The following ZNF385D variants were observed in gnomAD, a reference collection of about 807,000 sequenced individuals.
The protein encoded by ZNF385D is zinc finger protein 659.
A neutral mutation model predicts 35.8 loss-of-function variants in ZNF385D; 15 were observed. The ratio of observed to expected loss-of-function variants is 0.42; its 90% confidence interval spans 0.28 to 0.64. The LOEUF is 0.64. Among genes scored for constraint, ZNF385D ranks in the 30% least tolerant of loss-of-function variants. ZNF385D has a pLI of 0.23. For synonymous variants in ZNF385D, 212 were observed against 186.8 expected (o/e 1.13, Z -1.10); for missense variants, 474 against 494.6 (o/e 0.96, Z 0.39).
Position 21,968,641 on chromosome 3 carries a change from G to C in ZNF385D, c.325+200176C>G, listed in dbSNP as rs141961988. On this transcript the variant is annotated intron_variant, in intron 3 of 5. Coordinates refer to the ZNF385D transcript ENST00000494108. ...CCAGAAAGGAACCCACTGTCTTGAA[G>C]CAAAGGGCCAAGTCTTAGCAGCATT... is the stretch of plus-strand genomic sequence containing the variant. Among the ~76,000 whole-genome samples the C allele has an allele frequency of 8.7e-3, 1,332 of 152,268 alleles. 20 individuals carry two copies. The highest frequency in any genetic ancestry group is 0.03 in the African/African-American group (1,255 of 41,546).
intron 2 of ZNF385D, among the ~76,000 whole-genome samples, chr3:22,198,401 T>C (rs1696562059): frequency 6.6e-6 from 1 of 152,100 alleles, no homozygotes; most frequent in African/African-American, 2.4e-5. Context: ...ATTAATGATC[T>C]GGTACTAAGC....
chr3:21,783,181 T>G (rs1403494222), intron 3 of ZNF385D, among the ~76,000 whole-genome samples: 1 of 152,142 alleles, frequency 6.6e-6, no homozygotes, highest in Non-Finnish European at 1.5e-5. Context: ...ATTTTCAGAT[T>G]GTAAATACAT....
At chr3:21,864,382 T>C (rs1246608668) in intron 3 of ZNF385D, among the ~76,000 whole-genome samples, 1 of 152,122 alleles carries the variant, frequency 6.6e-6, no homozygotes, top group Non-Finnish European at 1.5e-5. Context: ...ACCAACTACA[T>C]ACTCTATGAA....
chr3:22,123,028 G>A (rs995257382), intron 3 of ZNF385D, among the ~76,000 whole-genome samples: 1 of 152,140 alleles, frequency 6.6e-6, no homozygotes, highest in Non-Finnish European at 1.5e-5. Context: ...TTGTCATGGA[G>A]GACAACCATG....
intron 2 of ZNF385D, among the ~76,000 whole-genome samples, chr3:21,600,025 C>T (rs1006590528): frequency 2.0e-4 from 30 of 152,150 alleles, no homozygotes; most frequent in Non-Finnish European, 4.3e-4. Context: ...AAGATGGCCA[C>T]GAGAATGACC....
chr3:21,543,886 A>C (rs1448419369), intron 3 of ZNF385D, among the ~76,000 whole-genome samples: 2 of 152,138 alleles, frequency 1.3e-5, no homozygotes, highest in Non-Finnish European at 2.9e-5. Context: ...AACTGGTGGC[A>C]AGGCTTTGTT....
chr3:21,872,244 T>C (rs943739716), intron 3 of ZNF385D, among the ~76,000 whole-genome samples: 1 of 152,156 alleles, frequency 6.6e-6, no homozygotes, highest in Non-Finnish European at 1.5e-5. Flanking sequence ...ACAACTGCCT[T>C]TAGCAGTACA....
intron 3 of ZNF385D, among the ~76,000 whole-genome samples, chr3:22,121,175 C>A (rs137941052): frequency 6.6e-4 from 101 of 152,280 alleles, no homozygotes; most frequent in African/African-American, 2.3e-3. Flanking sequence ...ATAATTTCAA[C>A]CTTCCTCTTT....
intron 3 of ZNF385D, among the ~76,000 whole-genome samples, chr3:21,762,599 A>G (rs2070667221): frequency 6.6e-6 from 1 of 152,146 alleles, no homozygotes; most frequent in Non-Finnish European, 1.5e-5. Flanking sequence ...CATCTATTTT[A>G]TTGCCACTTA....
intron 2 of ZNF385D, among the ~76,000 whole-genome samples, chr3:21,587,660 A>G (rs1387898399): frequency 6.6e-6 from 1 of 152,188 alleles, no homozygotes; most frequent in Non-Finnish European, 1.5e-5. Context: ...AAATGTGTTC[A>G]GTGTTGAGGT....
At chr3:22,161,914 G>C (rs752178655) in intron 3 of ZNF385D, among the ~76,000 whole-genome samples, 1 of 152,138 alleles carries the variant, frequency 6.6e-6, no homozygotes, top group Non-Finnish European at 1.5e-5. Flanking sequence ...CAATAATGTA[G>C]ACCTGGGCAG....
At chr3:22,071,494 A>C (rs1391022379) in intron 3 of ZNF385D, among the ~76,000 whole-genome samples, 2 of 152,188 alleles carry the variant, frequency 1.3e-5, no homozygotes, top group East Asian at 3.9e-4. Flanking sequence ...TGATTAAATC[A>C]ACTACAAACC....
intron 2 of ZNF385D, among the ~76,000 whole-genome samples, chr3:22,336,790 G>T (rs1341581180): frequency 6.6e-6 from 1 of 151,052 alleles, no homozygotes; most frequent in African/African-American, 2.4e-5. Flanking sequence ...AAAACAGTAA[G>T]TTTTAATATG....
intron 2 of ZNF385D, among the ~76,000 whole-genome samples, chr3:22,324,912 A>T (rs1372186538): frequency 6.6e-6 from 1 of 152,206 alleles, no homozygotes; most frequent in Non-Finnish European, 1.5e-5. Flanking sequence ...CTGGATTTCA[A>T]TCTGGGTTCT....
At chr3:22,208,424 T>C (rs1327048688) in intron 2 of ZNF385D, among the ~76,000 whole-genome samples, 2 of 151,078 alleles carry the variant, frequency 1.3e-5, no homozygotes, top group Non-Finnish European at 3.0e-5. Context: ...AGTGGAAAGA[T>C]GGTTACCAGA....
rs750719757 is a variant in ZNF385D at position 21,632,470 on chromosome 3, TTTAC to T, written c.165+32412_165+32415del. Among the ~76,000 whole-genome samples, 119 of 152,242 alleles carry T rather than the reference TTTAC, an allele frequency of 7.8e-4. No individual in the cohort carries two copies. The Middle Eastern group carries it at 0.01, about 13-fold the overall frequency. ...AAACCGTTGGGAAATATATTAAATT[TTTAC>T]TTACTTCTCATGCTGATTTTTGTCA... On this transcript the variant is annotated intron_variant, in intron 2 of 7. Coordinates refer to ENST00000281523, the MANE Select transcript of ZNF385D (RefSeq NM_024697.3).
At chr3:21,870,908 A>G (rs914284201) in intron 3 of ZNF385D, among the ~76,000 whole-genome samples, 5 of 152,110 alleles carry the variant, frequency 3.3e-5, no homozygotes, top group Non-Finnish European at 7.4e-5. Flanking sequence ...TCTCAACTCC[A>G]GACATGTCTT....
intron 3 of ZNF385D, among the ~76,000 whole-genome samples, chr3:21,824,666 A>G (rs1694487162): frequency 6.6e-6 from 1 of 152,170 alleles, no homozygotes; most frequent in Non-Finnish European, 1.5e-5. Context: ...GATGAAGTTG[A>G]ATAGAAACTA....
chr3:22,160,018 C>T (rs903508997), intron 3 of ZNF385D, among the ~76,000 whole-genome samples: 3 of 151,942 alleles, frequency 2.0e-5, no homozygotes, highest in Non-Finnish European at 2.9e-5. Context: ...GTAATTGAAT[C>T]ATGGGGCCAG....
Sources: gnomAD v4.1 joint callset for allele counts (sites outside exome capture counted in the v4.1 genomes callset) on GRCh38, gnomAD v4.1.1 for gene constraint, MANE v1.5 for transcripts, NCBI Gene and HGNC (gene_info 2026-07-23, HGNC 2026-07-21) for gene names.